The following JMJD1C variants were observed in gnomAD, a reference collection of about 807,000 sequenced individuals.
JMJD1C encodes jumonji domain containing 1C.
A neutral mutation model predicts 245.3 loss-of-function variants in JMJD1C; 31 were observed. The observed-to-expected ratio is 0.13, with a 90% CI of 0.09 to 0.17. The LOEUF is 0.17. JMJD1C is among the 10% of genes least tolerant of loss of function. The pLI, the probability that JMJD1C is intolerant of heterozygous loss-of-function variation, is 1.00. For missense variants in JMJD1C, 2,691 were observed against 3,000.2 expected (o/e 0.90, Z 2.41); for synonymous variants, 1,057 against 1,017.4 (o/e 1.04, Z -0.74).
At chr10:63,427,470 G>T in intron 1 of JMJD1C, 1 of 1,211,554 alleles carries the variant, frequency 8.3e-7, no homozygotes, top group South Asian at 1.2e-5. Context: ...TCCTGACCAA[G>T]ACCAACAGGA....
In JMJD1C at chr10:63,349,817, A is replaced by T. The variant is rs1464893055; in HGVS notation, c.333+30501T>A. On this transcript the variant is annotated intron_variant, in intron 2 of 25. Coordinates refer to ENST00000399262, the MANE Select transcript of JMJD1C (RefSeq NM_032776.3). ...ATAGATAAAATACAGAATTGAGGAA[A>T]ATAGTGATGAATTTTGTAATACTGT... Among the ~76,000 whole-genome samples, 4 of 152,188 alleles carry T rather than the reference A, an allele frequency of 2.6e-5. No homozygotes were observed. In the East Asian group the frequency reaches 7.7e-4, roughly 29 times the overall value.
chr10:63,324,764 G>A (rs143903092), intron 2 of JMJD1C, among the ~76,000 whole-genome samples: 47 of 152,250 alleles, frequency 3.1e-4, no homozygotes, highest in African/African-American at 9.6e-4. Context: ...AAGCATTTTC[G>A]GGAAGAAAAG....
chr10:63,320,879 T>C (rs1940768333), intron 2 of JMJD1C, among the ~76,000 whole-genome samples: 1 of 152,124 alleles, frequency 6.6e-6, no homozygotes, highest in African/African-American at 2.4e-5. Context: ...AGGATGGTGC[T>C]TGTTACCAAG....
At chr10:63,326,343 T>A (rs1035419941) in intron 2 of JMJD1C, among the ~76,000 whole-genome samples, 2 of 148,294 alleles carry the variant, frequency 1.3e-5, no homozygotes, top group Non-Finnish European at 3.0e-5. Context: ...CAAAATACAC[T>A]GTACTCCAGC....
intron 1 of JMJD1C, among the ~76,000 whole-genome samples, chr10:63,435,072 C>T (rs548599830): frequency 1.3e-5 from 2 of 152,350 alleles, no homozygotes; most frequent in South Asian, 4.1e-4. Context: ...GAACAATGCG[C>T]TCAAGTATTT....
At chr10:63,382,714 C>T in intron 1 of JMJD1C, 1 of 451,514 alleles carries the variant, frequency 2.2e-6, no homozygotes, top group Non-Finnish European at 4.5e-6. Flanking sequence ...CTTCGCTCCC[C>T]TACTTTCATT....
In JMJD1C at chr10:63,186,271, C is replaced by T. The variant is rs758743311; in HGVS notation, c.6683G>A (p.Ser2228Asn). ...CTTAACATTGGCATTTGAAATGATG[C>T]TATCTTTGCAGTTCAGGAGATCAGC... is the stretch of plus-strand genomic sequence containing the variant. The part of the protein sequence containing the change: ...HQADLLNCKD[S>N]IISNANVKEF... Residue 2228 changes from serine to asparagine, a missense_variant, in exon 19 of 26, where the codon AGC becomes AAC. This residue lies in a region of JMJD1C where 232 missense variants were observed against 416.1 expected (regional missense o/e 0.56). Transcript: ENST00000399262. 1.2e-5 allele frequency: 19 copies of T among 1,612,960 alleles called. No individual in the cohort carries two copies. The South Asian group carries it at 2.0e-4, about 17-fold the overall frequency.
At chr10:63,347,305 C>T (rs1176969028) in intron 2 of JMJD1C, among the ~76,000 whole-genome samples, 2 of 151,890 alleles carry the variant, frequency 1.3e-5, no homozygotes, top group Non-Finnish European at 1.5e-5. Flanking sequence ...AATTACGGGC[C>T]GGGTGTGGTG....
At chr10:63,229,422 A>T (rs1849701676) in intron 3 of JMJD1C, among the ~76,000 whole-genome samples, 1 of 152,172 alleles carries the variant, frequency 6.6e-6, no homozygotes. Context: ...TTTAAAAAAA[A>T]ACAAACAAAA....
intron 2 of JMJD1C, among the ~76,000 whole-genome samples, chr10:63,376,271 A>G (rs1946735029): frequency 6.6e-6 from 1 of 152,228 alleles, no homozygotes; most frequent in Non-Finnish European, 1.5e-5. Context: ...GATATTCCAA[A>G]CTTAAAATCA....
chr10:63,357,798 TTAAAA>T (rs1270687099), intron 2 of JMJD1C, among the ~76,000 whole-genome samples: 4 of 146,130 alleles, frequency 2.7e-5, no homozygotes, highest in African/African-American at 1.0e-4. Context: ...GATGCTGTGT[TTAAAA>T]TGTCAAAAGA....
At chr10:63,519,442 T>C (rs1479821202) in intron 1 of JMJD1C, among the ~76,000 whole-genome samples, 2 of 152,232 alleles carry the variant, frequency 1.3e-5, no homozygotes, top group Non-Finnish European at 2.9e-5. Flanking sequence ...TCACAAACAT[T>C]ATTCAAATTT....
intron 2 of JMJD1C, among the ~76,000 whole-genome samples, chr10:63,303,061 G>A (rs866196349): frequency 2.6e-5 from 4 of 151,414 alleles, no homozygotes; most frequent in Non-Finnish European, 4.4e-5. Context: ...AAACTTTCTC[G>A]AAACTCAAAG....
chr10:63,483,634 A>G (rs959221543), intron 1 of JMJD1C, among the ~76,000 whole-genome samples: 4 of 152,142 alleles, frequency 2.6e-5, no homozygotes, highest in Non-Finnish European at 5.9e-5. Context: ...CCCTTTTGCC[A>G]TTTTTTGAAA....
intron 2 of JMJD1C, chr10:63,268,724 G>T (rs1333042857): frequency 1.0e-6 from 1 of 983,992 alleles, no homozygotes; most frequent in Admixed American, 6.2e-5. Flanking sequence ...GGCTTTAAAG[G>T]TCAGTAAGTA....
chr10:63,461,707 T>C (rs1952811204), intron 1 of JMJD1C, among the ~76,000 whole-genome samples: 1 of 152,106 alleles, frequency 6.6e-6, no homozygotes, highest in African/African-American at 2.4e-5. Context: ...CTTTTCTCTA[T>C]TGAAAAAACC....
intron 1 of JMJD1C, among the ~76,000 whole-genome samples, chr10:63,516,475 T>G (rs904046140): frequency 1.3e-5 from 2 of 152,246 alleles, no homozygotes; most frequent in African/African-American, 4.8e-5. Flanking sequence ...CCTGAATACC[T>G]GAAATCATAA....
At chr10:63,438,351 T>C (rs1951175555) in intron 1 of JMJD1C, among the ~76,000 whole-genome samples, 1 of 152,142 alleles carries the variant, frequency 6.6e-6, no homozygotes, top group Non-Finnish European at 1.5e-5. Context: ...GAAATAAATA[T>C]GAATCTGAGC....
At chr10:63,458,343 C>G (rs1952551831) in intron 1 of JMJD1C, among the ~76,000 whole-genome samples, 1 of 151,972 alleles carries the variant, frequency 6.6e-6, no homozygotes, top group South Asian at 2.1e-4. Context: ...AAAAAATTAG[C>G]CAGGCATGGT....
Sources: allele counts gnomAD v4.1 joint callset (sites outside exome capture counted in the v4.1 genomes callset), GRCh38; gene constraint gnomAD v4.1.1; regional missense constraint gnomAD v4.1.1; transcripts MANE v1.5; gene names NCBI Gene and HGNC (gene_info 2026-07-23, HGNC 2026-07-21).